CNTLN: variants seen among roughly 807,000 people sequenced by gnomAD.
CNTLN encodes centlein, centrosomal protein.
Under a neutral mutation model 180.0 loss-of-function variants are expected in CNTLN, and 212 were observed. The observed-to-expected ratio is 1.18, with a 90% CI of 1.05 to 1.32. The LOEUF (loss-of-function observed/expected upper bound fraction) is 1.32. CNTLN is among the 40% of genes most tolerant of loss of function. CNTLN has a pLI of 0.00. For missense variants in CNTLN, 2,095 were observed against 1,610.9 expected (o/e 1.30, Z -5.14); for synonymous variants, 722 against 563.1 (o/e 1.28, Z -3.99).
chr9:17,324,491 T>C (rs1820129634), intron 8 of CNTLN, among the ~76,000 whole-genome samples: 2 of 152,162 alleles, frequency 1.3e-5, no homozygotes, highest in South Asian at 2.1e-4. Flanking sequence ...AATTTGTAAA[T>C]TGTGGAGTTA....
chr9:17,242,511 A>T (rs1041911809), intron 5 of CNTLN, among the ~76,000 whole-genome samples: 1 of 151,992 alleles, frequency 6.6e-6, no homozygotes, highest in African/African-American at 2.4e-5. Context: ...GGGTTTTGCC[A>T]TGTTGGCCAG....
chr9:17,462,352 G>A (rs1831505597), intron 19 of CNTLN, among the ~76,000 whole-genome samples: 1 of 151,828 alleles, frequency 6.6e-6, no homozygotes, highest in East Asian at 1.9e-4. Flanking sequence ...CTAGCAAGGT[G>A]ATCCTGGAGC....
At chr9:17,462,223 C>T (rs1378049293) in intron 19 of CNTLN, among the ~76,000 whole-genome samples, 1 of 151,600 alleles carries the variant, frequency 6.6e-6, no homozygotes, top group Non-Finnish European at 1.5e-5. Flanking sequence ...TTTTTTCAAA[C>T]CAAAGATTTC....
chr9:17,301,998 G>C, intron 7 of CNTLN: 2 of 979,110 alleles, frequency 2.0e-6, no homozygotes, highest in Non-Finnish European at 2.4e-6. Flanking sequence ...TATGTTATTT[G>C]TTTTACTATT....
At chr9:17,301,288 T>A (rs1364231974) in intron 7 of CNTLN, 1 of 985,434 alleles carries the variant, frequency 1.0e-6, no homozygotes, top group Non-Finnish European at 1.2e-6. Context: ...GGGGTACATT[T>A]TGAAACCGTA....
intron 12 of CNTLN, among the ~76,000 whole-genome samples, chr9:17,356,794 T>C (rs1230763037): frequency 6.6e-6 from 1 of 152,212 alleles, no homozygotes; most frequent in African/African-American, 2.4e-5. Context: ...AGATATGTAA[T>C]TTAAAATTGT....
intron 2 of CNTLN, among the ~76,000 whole-genome samples, chr9:17,225,441 A>G (rs77817091): frequency 0.022 from 3,400 of 152,010 alleles, 127 homozygotes; most frequent in African/African-American, 0.077. Flanking sequence ...CTGTTTAATT[A>G]TTTATGTTTT....
chr9:17,298,912 T>C, intron 7 of CNTLN: 1 of 985,324 alleles, frequency 1.0e-6, no homozygotes, highest in Non-Finnish European at 1.2e-6. Context: ...GTGTGCTAAC[T>C]GACTCAGCAG....
chr9:17,360,385 A>G (rs1157024425), intron 12 of CNTLN, among the ~76,000 whole-genome samples: 2 of 152,152 alleles, frequency 1.3e-5, no homozygotes, highest in Non-Finnish European at 2.9e-5. Flanking sequence ...AGGTCAGTGG[A>G]TTGGAAAATT....
chr9:17,332,455 C>A (rs562778701), intron 9 of CNTLN, 150 bp from the exon 10 acceptor site: 1 of 641,634 alleles, frequency 1.6e-6, no homozygotes, highest in Middle Eastern at 4.4e-4. Context: ...GTGGTAATTC[C>A]GCTTGTTATT....
intron 25 of CNTLN, among the ~76,000 whole-genome samples, chr9:17,496,651 G>A (rs1833472436): frequency 6.6e-6 from 1 of 152,068 alleles, no homozygotes; most frequent in Non-Finnish European, 1.5e-5. Flanking sequence ...TCCTGAACTC[G>A]GAGTTTGTAT....
intron 7 of CNTLN, chr9:17,299,815 G>C: frequency 1.0e-6 from 1 of 983,794 alleles, no homozygotes; most frequent in South Asian, 4.7e-5. Flanking sequence ...ACTTTCTGTT[G>C]CTTGGAACAT....
chr9:17,260,993 A>G (rs756176518), intron 5 of CNTLN, among the ~76,000 whole-genome samples: 2 of 150,822 alleles, frequency 1.3e-5, no homozygotes, highest in African/African-American at 2.5e-5. Context: ...TAGGTGTGCA[A>G]CTTTATTTCT....
chr9:17,496,743 C>T (rs72709728), intron 25 of CNTLN, among the ~76,000 whole-genome samples: 1 of 152,150 alleles, frequency 6.6e-6, no homozygotes, highest in Admixed American at 6.5e-5. Context: ...AAAAGGGACT[C>T]CTTGTTAACA....
chr9:17,425,410 G>C (rs1432221887), intron 18 of CNTLN, among the ~76,000 whole-genome samples: 1 of 152,206 alleles, frequency 6.6e-6, no homozygotes, highest in Non-Finnish European at 1.5e-5. Context: ...GAAGCGATCT[G>C]CTGCTAGAAG....
downstream of CNTLN, among the ~76,000 whole-genome samples, chr9:17,506,049 A>G (rs1327638997): frequency 6.6e-6 from 1 of 150,646 alleles, no homozygotes; most frequent in African/African-American, 2.4e-5. Flanking sequence ...TTTTTGACAA[A>G]TGGTCCTGAA....
rs187874754 is a variant in CNTLN, at chr9:17,436,562, C to G, written c.3114+20373C>G. ...ATATAAACATTGAGCATGAAAACTA[C>G]TAAATCTGAAGAGACCTTTAGCAAC... On this transcript the variant is annotated intron_variant, in intron 18 of 25. Coordinates refer to ENST00000380647, the MANE Select transcript of CNTLN (RefSeq NM_017738.4). Among the ~76,000 whole-genome samples, 718 of 152,304 alleles carry G rather than the reference C, an allele frequency of 4.7e-3. 4 individuals carry two copies. The highest frequency in any genetic ancestry group is 6.8e-3 in the Non-Finnish European group (462 of 68,018).
chr9:17,421,857 T>C (rs1828749069), intron 18 of CNTLN, among the ~76,000 whole-genome samples: 1 of 152,146 alleles, frequency 6.6e-6, no homozygotes, highest in Non-Finnish European at 1.5e-5. Flanking sequence ...AAACCTAATA[T>C]ACACTCTCCA....
chr9:17,484,021 A>G (rs1416037870), intron 23 of CNTLN, among the ~76,000 whole-genome samples: 1 of 152,172 alleles, frequency 6.6e-6, no homozygotes, highest in African/African-American at 2.4e-5. Flanking sequence ...TGCCTGCTGT[A>G]AGCATTCACC....
Sources: gnomAD v4.1 joint callset for allele counts (sites outside exome capture counted in the v4.1 genomes callset) on GRCh38, gnomAD v4.1.1 for gene constraint, MANE v1.5 for transcripts, NCBI Gene and HGNC (gene_info 2026-07-23, HGNC 2026-07-21) for gene names.